Variants in HTR7 observed in about 807,000 individuals in gnomAD.
The protein encoded by HTR7 is 5-HT-7.
HTR7 carries 16 observed loss-of-function variants against 34.0 expected under a neutral mutation model. That is an observed-to-expected ratio of 0.47 (90% CI 0.32 to 0.71). The LOEUF is 0.71. Among genes scored for constraint, HTR7 ranks in the 30% least tolerant of loss-of-function variants. The probability of loss-of-function intolerance (pLI) is 0.04; values close to 1 mark genes in which losing one functional copy is unlikely to be tolerated. For synonymous variants in HTR7, 265 were observed against 260.2 expected, an observed-to-expected ratio of 1.02 and a Z score of -0.18; for missense variants, 504 against 625.5, an observed-to-expected ratio of 0.81 and a Z score of 2.07.
chr10:90,751,296 G>C (rs1236855368), intron 1 of HTR7, among the ~76,000 whole-genome samples: 3 of 152,134 alleles, frequency 2.0e-5, no homozygotes, highest in South Asian at 2.1e-4. Context: ...AAGAGAGGGA[G>C]TGAAGGAGTA....
At chr10:90,796,376 T>G (rs919291305) in intron 1 of HTR7, among the ~76,000 whole-genome samples, 2 of 152,258 alleles carry the variant, frequency 1.3e-5, no homozygotes, top group Admixed American at 6.5e-5. Flanking sequence ...TATGGATGTT[T>G]AAATAACAAA....
At chr10:90,810,280 T>C (rs1238201914) in intron 1 of HTR7, among the ~76,000 whole-genome samples, 1 of 152,040 alleles carries the variant, frequency 6.6e-6, no homozygotes, top group Non-Finnish European at 1.5e-5. Context: ...CAAAGCCTCC[T>C]TCACATCCTC....
intron 1 of HTR7, among the ~76,000 whole-genome samples, chr10:90,822,933 C>A (rs1484021029): frequency 6.6e-6 from 1 of 152,220 alleles, no homozygotes; most frequent in Non-Finnish European, 1.5e-5. Context: ...GGTATTAAGC[C>A]TGTGGGTGCA....
intron 1 of HTR7, among the ~76,000 whole-genome samples, chr10:90,766,681 A>C (rs1845030579): frequency 6.6e-6 from 1 of 151,842 alleles, no homozygotes. Context: ...TTTTCTCTTT[A>C]TCTTGTGTGT....
chr10:90,852,080 C>T (rs920427000), intron 1 of HTR7, among the ~76,000 whole-genome samples: 7 of 151,606 alleles, frequency 4.6e-5, no homozygotes, highest in African/African-American at 7.3e-5. Flanking sequence ...AATGCTGGGC[C>T]GGGCATGATG....
chr10:90,790,659 C>G (rs1845447964), intron 1 of HTR7, among the ~76,000 whole-genome samples: 1 of 152,100 alleles, frequency 6.6e-6, no homozygotes, highest in Non-Finnish European at 1.5e-5. Context: ...CATTTCCTAG[C>G]CTTTTGAGCT....
intron 1 of HTR7, among the ~76,000 whole-genome samples, chr10:90,752,205 T>C (rs1844749959): frequency 6.6e-6 from 1 of 151,996 alleles, no homozygotes; most frequent in South Asian, 2.1e-4. Context: ...AGAAAAAAAA[T>C]GAGTGCTTAC....
intron 1 of HTR7, among the ~76,000 whole-genome samples, chr10:90,756,225 G>A (rs1046528223): frequency 1.3e-5 from 2 of 152,216 alleles, no homozygotes; most frequent in African/African-American, 2.4e-5. Context: ...GGGTGCAGGA[G>A]GAAAGCTTGG....
intron 1 of HTR7, among the ~76,000 whole-genome samples, chr10:90,817,867 T>C (rs565647380): frequency 6.6e-6 from 1 of 152,196 alleles, no homozygotes. Context: ...GCTATACTCA[T>C]AAAACAATCT....
intron 1 of HTR7, among the ~76,000 whole-genome samples, chr10:90,834,332 G>A (rs1383391482): frequency 6.6e-6 from 1 of 151,954 alleles, no homozygotes; most frequent in African/African-American, 2.4e-5. Flanking sequence ...AGAACATGAT[G>A]GAGATGAACA....
At chr10:90,809,800 G>A (rs1470043975) in intron 1 of HTR7, among the ~76,000 whole-genome samples, 2 of 152,188 alleles carry the variant, frequency 1.3e-5, no homozygotes, top group Admixed American at 6.5e-5. Flanking sequence ...AAATCGGACT[G>A]TCCAACTCAC....
At chr10:90,804,276 C>G (rs1005101682) in intron 1 of HTR7, among the ~76,000 whole-genome samples, 18 of 152,160 alleles carry the variant, frequency 1.2e-4, no homozygotes, top group Non-Finnish European at 2.6e-4. Flanking sequence ...TCCTTCGAGT[C>G]TGTGTGACAT....
At chr10:90,792,718 A>C (rs1240682113) in intron 1 of HTR7, among the ~76,000 whole-genome samples, 2 of 152,096 alleles carry the variant, frequency 1.3e-5, no homozygotes, top group Non-Finnish European at 2.9e-5. Flanking sequence ...CCATTTTTAC[A>C]TCTAAAATGG....
intron 1 of HTR7, among the ~76,000 whole-genome samples, chr10:90,766,316 G>A (rs144911839): frequency 3.2e-4 from 49 of 152,152 alleles, no homozygotes; most frequent in Middle Eastern, 3.4e-3. Flanking sequence ...AGTCTATTTT[G>A]TTTGATATAA....
At chr10:90,754,580 T>C (rs1844802875) in intron 1 of HTR7, among the ~76,000 whole-genome samples, 1 of 152,148 alleles carries the variant, frequency 6.6e-6, no homozygotes, top group Admixed American at 6.5e-5. Context: ...ACGAAAGCAC[T>C]GAAGTATTAT....
At chr10:90,750,780 C>T (rs1589435140) in intron 1 of HTR7, among the ~76,000 whole-genome samples, 1 of 152,178 alleles carries the variant, frequency 6.6e-6, no homozygotes, top group East Asian at 1.9e-4. Flanking sequence ...ATCATACTTT[C>T]ACAATGAAAA....
At chr10:90,766,872 C>A (rs571435514) in intron 1 of HTR7, among the ~76,000 whole-genome samples, 1 of 152,336 alleles carries the variant, frequency 6.6e-6, no homozygotes, top group Admixed American at 6.5e-5. Flanking sequence ...ACTACTCAGT[C>A]CAGCCTATGG....
At chr10:90,817,845 T>C (rs983248032) in intron 1 of HTR7, among the ~76,000 whole-genome samples, 1 of 152,142 alleles carries the variant, frequency 6.6e-6, no homozygotes, top group African/African-American at 2.4e-5. Flanking sequence ...GTTGAAAGAA[T>C]AAACAAAATA....
chr10:90,772,023 T>C (rs576532326), intron 1 of HTR7, among the ~76,000 whole-genome samples: 78 of 152,334 alleles, frequency 5.1e-4, no homozygotes, highest in African/African-American at 1.6e-3. Context: ...GTCAGAACTA[T>C]AAGCCATTTA....
Sources: gnomAD v4.1 joint callset for allele counts (sites outside exome capture counted in the v4.1 genomes callset) on GRCh38, gnomAD v4.1.1 for gene constraint, MANE v1.5 for transcripts, NCBI Gene and HGNC (gene_info 2026-07-23, HGNC 2026-07-21) for gene names.